The following ROR1 variants were observed in gnomAD, a reference collection of about 807,000 sequenced individuals.
ROR1 encodes the protein ROR family WNT receptor 1.
A neutral mutation model predicts 78.8 loss-of-function variants in ROR1; 19 were observed. The ratio of observed to expected loss-of-function variants is 0.24; its 90% CI spans 0.17 to 0.35. ROR1 has a LOEUF of 0.35. Ranked by LOEUF, ROR1 falls within the 10% of genes least tolerant of loss-of-function variation. The pLI is 1.00. For missense variants in ROR1, 917 were observed against 1,177.8 expected (o/e 0.78, Z 3.24); for synonymous variants, 386 against 433.6 (o/e 0.89, Z 1.36).
At chr1:63,802,765 A>G (rs1644804441) in intron 1 of ROR1, among the ~76,000 whole-genome samples, 1 of 152,250 alleles carries the variant, frequency 6.6e-6, no homozygotes, top group Non-Finnish European at 1.5e-5. Context: ...AATGTTAGAC[A>G]TTTAATCACC....
At chr1:63,980,372 T>C (rs1389711531) in intron 1 of ROR1, among the ~76,000 whole-genome samples, 5 of 151,990 alleles carry the variant, frequency 3.3e-5, no homozygotes, top group African/African-American at 4.8e-5. Flanking sequence ...CCCCACCTCA[T>C]TGAGATATTT....
At chr1:63,882,785 G>T (rs1363021400) in intron 1 of ROR1, among the ~76,000 whole-genome samples, 1 of 152,158 alleles carries the variant, frequency 6.6e-6, no homozygotes, top group Non-Finnish European at 1.5e-5. Flanking sequence ...CTTCTGTCAT[G>T]GGCCTACTAC....
intron 1 of ROR1, among the ~76,000 whole-genome samples, chr1:63,941,863 G>C (rs1249283923): frequency 6.6e-6 from 1 of 152,124 alleles, no homozygotes; most frequent in Admixed American, 6.5e-5. Flanking sequence ...CACTTACATA[G>C]TACTCCAGCT....
chr1:64,157,429 G>C (rs956008714), intron 7 of ROR1, among the ~76,000 whole-genome samples: 2 of 152,056 alleles, frequency 1.3e-5, no homozygotes, highest in African/African-American at 4.8e-5. Flanking sequence ...ATGACCCACT[G>C]CACCCAGCCT....
intron 4 of ROR1, among the ~76,000 whole-genome samples, chr1:64,083,732 T>G (rs1647125221): frequency 2.0e-5 from 3 of 152,076 alleles, no homozygotes; most frequent in Admixed American, 2.0e-4. Flanking sequence ...AACAAGAAGA[T>G]GGCAGAAATG....
At chr1:64,080,186 A>G (rs534272575) in intron 4 of ROR1, among the ~76,000 whole-genome samples, 1 of 152,132 alleles carries the variant, frequency 6.6e-6, no homozygotes, top group East Asian at 1.9e-4. Context: ...AACCTATGAG[A>G]CTATTTCAGT....
chr1:63,870,791 C>T (rs546317420), intron 1 of ROR1, among the ~76,000 whole-genome samples: 36 of 152,228 alleles, frequency 2.4e-4, no homozygotes, highest in African/African-American at 8.4e-4. Context: ...CAAGAGTCCC[C>T]AAAGTGTGTA....
At chr1:64,037,953 C>T (rs1007606290) in intron 2 of ROR1, among the ~76,000 whole-genome samples, 1 of 152,102 alleles carries the variant, frequency 6.6e-6, no homozygotes, top group Non-Finnish European at 1.5e-5. Flanking sequence ...TGCAAGCACC[C>T]CCTACTCTCT....
At chr1:64,137,132 A>G (rs1030177949) in intron 4 of ROR1, among the ~76,000 whole-genome samples, 9 of 152,172 alleles carry the variant, frequency 5.9e-5, no homozygotes, top group Non-Finnish European at 1.2e-4. Flanking sequence ...ATTTTCTCCC[A>G]TATTTAAGGA....
intron 2 of ROR1, chr1:64,028,901 T>C (rs542700383): frequency 6.6e-6 from 1 of 152,318 alleles, no homozygotes; most frequent in African/African-American, 2.4e-5. Context: ...TTTAAAAATA[T>C]GGAACACTTC....
intron 1 of ROR1, among the ~76,000 whole-genome samples, chr1:63,934,854 G>C (rs560769368): frequency 5.3e-5 from 8 of 152,220 alleles, no homozygotes; most frequent in Non-Finnish European, 7.4e-5. Context: ...TAGATTTTCT[G>C]AGGATTTAGA....
intron 1 of ROR1, among the ~76,000 whole-genome samples, chr1:63,950,323 G>A (rs942952604): frequency 6.6e-6 from 1 of 152,118 alleles, no homozygotes; most frequent in African/African-American, 2.4e-5. Context: ...ATATATTAGG[G>A]GTGGATTATT....
intron 7 of ROR1, among the ~76,000 whole-genome samples, chr1:64,154,347 G>T (rs1313456293): frequency 6.6e-6 from 1 of 152,208 alleles, no homozygotes; most frequent in African/African-American, 2.4e-5. Context: ...TAATAAATTG[G>T]TAGTGATTCC....
chr1:63,795,844 AT>A (rs1432714801), intron 1 of ROR1, among the ~76,000 whole-genome samples: 1 of 152,198 alleles, frequency 6.6e-6, no homozygotes, highest in Non-Finnish European at 1.5e-5. Flanking sequence ...TTAAATTTTA[AT>A]TTAGAAAATG....
rs552278501 is a variant in ROR1, at chr1:63,853,733, A to G, written c.91+79225A>G. ...AGGAATCTTTCATTACCAATGGAGC[A>G]TGAATGAAAGTTTCCAAATATGAGG... On this transcript the variant is annotated intron_variant, in intron 1 of 8. Coordinates refer to ENST00000371079, the MANE Select transcript of ROR1 (RefSeq NM_005012.4). Among the ~76,000 whole-genome samples, 6 of 152,354 alleles carry G rather than the reference A, an allele frequency of 3.9e-5. No homozygotes were observed. In the East Asian group the frequency reaches 5.8e-4, roughly 15 times the overall value.
At chr1:63,925,072 TTACATATGTA>T in intron 1 of ROR1, among the ~76,000 whole-genome samples, 1 of 151,196 alleles carries the variant, frequency 6.6e-6, no homozygotes, top group South Asian at 2.1e-4. Context: ...TGCAGGTTAG[TTACATATGTA>T]TACATGTGCC....
intron 5 of ROR1, among the ~76,000 whole-genome samples, chr1:64,138,525 T>TG (rs928059567): frequency 9.5e-5 from 14 of 147,578 alleles, no homozygotes; most frequent in African/African-American, 3.5e-4. Flanking sequence ...GAGAGGAGGC[T>TG]GGGGGGAAGA....
At chr1:63,902,830 T>C (rs956974934) in intron 1 of ROR1, among the ~76,000 whole-genome samples, 1 of 152,220 alleles carries the variant, frequency 6.6e-6, no homozygotes, top group African/African-American at 2.4e-5. Context: ...CATCCCATAA[T>C]GTCTTCTGGG....
rs369511325 is a variant in ROR1, at chr1:64,051,455, T to TAAAAAA, written c.482+740_482+745dup. 6.2e-3 allele frequency among the ~76,000 whole-genome samples: 242 copies of TAAAAAA among 39,248 alleles called. 4 individuals are homozygous for TAAAAAA. The highest frequency in any genetic ancestry group is 0.015 in the Middle Eastern group (1 of 66). 25.7% of individuals were successfully genotyped at this position (39,248 alleles called of 152,430 possible). On this transcript the variant is annotated intron_variant, in intron 4 of 8. Transcript: ENST00000371079. ...GCAGAGTGAGACTCCGTCTCAAAAA[T>TAAAAAA]AAAAAATAAAATAAAATAAAATAAA...
Sources: gnomAD v4.1 joint callset for allele counts (sites outside exome capture counted in the v4.1 genomes callset) on GRCh38, gnomAD v4.1.1 for gene constraint, MANE v1.5 for transcripts, NCBI Gene and HGNC (gene_info 2026-07-23, HGNC 2026-07-21) for gene names.